RAPGEF6: variants seen among roughly 807,000 people sequenced by gnomAD.
RAPGEF6 encodes Rap guanine nucleotide exchange factor 6, also known as PDZ domain containing guanine nucleotide exchange factor (GEF) 2.
In RAPGEF6, 56 loss-of-function variants were observed where a neutral mutation model predicts 171.4. The observed-to-expected ratio is 0.33, with a 90% CI of 0.26 to 0.41. The LOEUF is 0.41. Among genes scored for constraint, RAPGEF6 ranks in the 10% least tolerant of loss-of-function variants. The pLI is 1.00. For synonymous variants in RAPGEF6, 692 were observed against 650.1 expected, an observed-to-expected ratio of 1.06 and a Z score of -0.98; for missense variants, 1,674 against 1,921.4, an observed-to-expected ratio of 0.87 and a Z score of 2.41.
intron 8 of RAPGEF6, among the ~76,000 whole-genome samples, chr5:131,509,070 C>T (rs1451727413): frequency 6.6e-6 from 1 of 151,992 alleles, no homozygotes; most frequent in Non-Finnish European, 1.5e-5. Context: ...GGAAGGGTAG[C>T]TATTATAAAA....
intron 6 of RAPGEF6, among the ~76,000 whole-genome samples, chr5:131,529,268 G>A (rs1759201272): frequency 6.6e-6 from 1 of 151,838 alleles, no homozygotes; most frequent in South Asian, 2.1e-4. Flanking sequence ...TTGAGGTCAG[G>A]AGTTTAAGAC....
At chr5:131,589,121 A>T (rs1763439933) in intron 4 of RAPGEF6, among the ~76,000 whole-genome samples, 1 of 152,164 alleles carries the variant, frequency 6.6e-6, no homozygotes, top group Non-Finnish European at 1.5e-5. Flanking sequence ...AAGGCAGGAT[A>T]GTTGAAGACA....
intron 4 of RAPGEF6, among the ~76,000 whole-genome samples, chr5:131,581,929 C>T (rs1762991521): frequency 1.3e-5 from 2 of 152,170 alleles, no homozygotes; most frequent in Admixed American, 1.3e-4. Context: ...TAACATCCTC[C>T]TCACCCTTGT....
In RAPGEF6 at chr5:131,472,720, T is replaced by C. The variant is rs752329885; in HGVS notation, c.2106A>G (p.Gln702=). The change falls in exon 17 of 28, where the codon CAA becomes CAG. Residue 702 remains glutamine, a synonymous_variant. Coordinates refer to ENST00000509018, the MANE Select transcript of RAPGEF6 (RefSeq NM_016340.6). ...LFSDGGLSQS[Q]DDSIVGTRHC... The stretch of plus-strand genomic sequence containing the variant: ...GCCTTGTTCCCACAATGCTGTCATC[T>C]TGTGATTGGCTTAGGCCTCCATCAC... 4 of 1,612,440 alleles carry C rather than the reference T, an allele frequency of 2.5e-6. No individual in the cohort carries two copies. Among genetic ancestry groups the C allele is most frequent in the South Asian group, 1.1e-5 (1 of 91,036 alleles).
chr5:131,517,405 G>A (rs1213105257), intron 7 of RAPGEF6, among the ~76,000 whole-genome samples: 3 of 151,046 alleles, frequency 2.0e-5, no homozygotes, highest in East Asian at 1.9e-4. Flanking sequence ...CACTTGAAAC[G>A]TTTCTAAATT....
intron 19 of RAPGEF6, among the ~76,000 whole-genome samples, chr5:131,458,528 T>A (rs1348697245): frequency 6.6e-6 from 1 of 152,178 alleles, no homozygotes; most frequent in Non-Finnish European, 1.5e-5. Context: ...ACAGAGGAAA[T>A]AAAAGAAAAC....
chr5:131,501,336 C>CAA (rs1439021234), intron 11 of RAPGEF6, among the ~76,000 whole-genome samples: 12 of 83,858 alleles, frequency 1.4e-4, no homozygotes, highest in African/African-American at 2.4e-4. Context: ...ACTTTGTCTC[C>CAA]AAAAAAAAAA....
At chr5:131,472,873 C>T in intron 16 of RAPGEF6, 129 bp from the exon 17 acceptor site, 1 of 750,442 alleles carries the variant, frequency 1.3e-6, no homozygotes, top group Non-Finnish European at 2.1e-6. Context: ...TGAAATACTA[C>T]AGCAATTTTT....
Position 131,509,668 on chromosome 5 carries a change from T to C in RAPGEF6, c.805+646A>G, listed in dbSNP as rs147320771. 3.8e-3 allele frequency among the ~76,000 whole-genome samples: 576 copies of C among 152,346 alleles called. 1 individual carries two copies. The highest frequency in any genetic ancestry group is 5.7e-3 in the Non-Finnish European group (386 of 68,030). The stretch of plus-strand genomic sequence containing the variant: ...TTCACAGACACTGAACATTGTACTA[T>C]GCTTGTGCTTTAAATGTCTTATAGA... On this transcript the variant is annotated intron_variant, in intron 8 of 27. Transcript: ENST00000509018.
chr5:131,568,977 C>A (rs1057305370), intron 4 of RAPGEF6, among the ~76,000 whole-genome samples: 4 of 151,992 alleles, frequency 2.6e-5, no homozygotes, highest in African/African-American at 7.2e-5. Context: ...GATACAATTC[C>A]ATTCATAATC....
At chr5:131,471,696 G>A (rs1412429044) in intron 17 of RAPGEF6, among the ~76,000 whole-genome samples, 1 of 151,984 alleles carries the variant, frequency 6.6e-6, no homozygotes, top group Non-Finnish European at 1.5e-5. Flanking sequence ...CAAAACTTTA[G>A]ATTATATAAC....
chr5:131,563,487 C>A (rs1261821985), intron 4 of RAPGEF6, among the ~76,000 whole-genome samples: 1 of 152,034 alleles, frequency 6.6e-6, no homozygotes, highest in Non-Finnish European at 1.5e-5. Flanking sequence ...AACTTTTGAA[C>A]ATAACCAAAA....
chr5:131,517,716 G>A (rs1758185915), intron 7 of RAPGEF6, among the ~76,000 whole-genome samples: 1 of 148,392 alleles, frequency 6.7e-6, no homozygotes, highest in Non-Finnish European at 1.5e-5. Flanking sequence ...CAAGGGTCCA[G>A]TACTGATATT....
rs189983775 is a variant in RAPGEF6 at position 131,427,230 on chromosome 5, C to T, written c.*36G>A. 5.1e-4 allele frequency: 820 copies of T among 1,594,078 alleles called. 11 individuals carry two copies. In the South Asian group the frequency reaches 7.5e-3, roughly 15 times the overall value. ...GAGGTGGTTCTTGCCCATTCCTCCACGACTTTCAGTGGTTTTCAAATAGGT... is the reference window on the plus strand; with the variant it reads ...GAGGTGGTTCTTGCCCATTCCTCCATGACTTTCAGTGGTTTTCAAATAGGT... On this transcript the variant is annotated 3_prime_UTR_variant, in exon 28 of 28. Transcript: ENST00000509018.
chr5:131,587,458 A>C (rs1763318532), intron 4 of RAPGEF6, among the ~76,000 whole-genome samples: 1 of 152,218 alleles, frequency 6.6e-6, no homozygotes, highest in South Asian at 2.1e-4. Context: ...GGTAATGACA[A>C]TGTTCAATTT....
rs1758473500 is a variant in RAPGEF6, at chr5:131,521,472, T to C, written c.545A>G (p.Gln182Arg). Reference sequence around the variant, plus strand: ...CTGACTAGAAGACACATGAGTCACCTGTGGATGAGGGTTTTCTGTGAGATG... The same window carrying C: ...CTGACTAGAAGACACATGAGTCACCCGTGGATGAGGGTTTTCTGTGAGATG... The part of the protein sequence containing the change: ...KMHLTENPHP[Q>R]VTHVSSSQSG... The change falls in exon 7 of 28, where the codon CAG becomes CGG. Residue 182 changes from glutamine to arginine, a missense_variant. Coordinates refer to ENST00000509018, the MANE Select transcript of RAPGEF6 (RefSeq NM_016340.6). The C allele has an allele frequency of 6.2e-7, 1 of 1,612,728 alleles. No individual in the cohort carries two copies. Among genetic ancestry groups the C allele is most frequent in the Middle Eastern group, 1.7e-4 (1 of 6,044 alleles).
chr5:131,570,338 T>C (rs1305739769), intron 4 of RAPGEF6, among the ~76,000 whole-genome samples: 3 of 152,242 alleles, frequency 2.0e-5, no homozygotes, highest in East Asian at 3.9e-4. Flanking sequence ...TAAAAGACTG[T>C]CAATACCAAG....
chr5:131,541,529 C>CT (rs1200523082), intron 6 of RAPGEF6, among the ~76,000 whole-genome samples: 9 of 145,194 alleles, frequency 6.2e-5, no homozygotes, highest in South Asian at 2.1e-4. Flanking sequence ...TTTTTTTTTT[C>CT]TTTTTTTTGT....
chr5:131,495,533 G>C lies in RAPGEF6; in HGVS notation c.1527+20C>G, dbSNP rs1215638121. The C allele has an allele frequency of 3.8e-6, 6 of 1,597,742 alleles. No individual in the cohort carries two copies. Among genetic ancestry groups the C allele is most frequent in the Middle Eastern group, 1.7e-4 (1 of 6,046 alleles). ...GGGGACCACTACACTCTGAAGAATAGAAATTATTTTGAGCCTTACTGTATC... is the reference window on the plus strand; with the variant it reads ...GGGGACCACTACACTCTGAAGAATACAAATTATTTTGAGCCTTACTGTATC... On this transcript the variant is annotated intron_variant, in intron 13 of 27. Transcript: ENST00000509018.
Sources: gnomAD v4.1 joint callset for allele counts (sites outside exome capture counted in the v4.1 genomes callset) on GRCh38, gnomAD v4.1.1 for gene constraint, MANE v1.5 for transcripts, NCBI Gene and HGNC (gene_info 2026-07-23, HGNC 2026-07-21) for gene names.